The following ARL15 variants were observed in gnomAD, a reference collection of about 807,000 sequenced individuals.
The protein encoded by ARL15 is ADP-ribosylation factor-like protein 15.
A neutral mutation model predicts 25.2 loss-of-function variants in ARL15; 19 were observed. The observed-to-expected ratio is 0.75, with a 90% CI of 0.53 to 1.10. ARL15 has a LOEUF of 1.10. ARL15 is among the 50% of genes least tolerant of loss of function. ARL15 has a pLI of 0.00. For synonymous variants in ARL15, 94 were observed against 86.8 expected, an observed-to-expected ratio of 1.08 and a Z score of -0.46; for missense variants, 220 against 246.0, an observed-to-expected ratio of 0.89 and a Z score of 0.71.
chr5:54,081,839 C>A (rs1157706958), intron 4 of ARL15, among the ~76,000 whole-genome samples: 2 of 152,070 alleles, frequency 1.3e-5, no homozygotes, highest in Non-Finnish European at 2.9e-5. Context: ...TGCCTGTAAT[C>A]CCAGCACTTT....
At chr5:54,105,349 G>A (rs1386502405) in intron 4 of ARL15, among the ~76,000 whole-genome samples, 2 of 151,960 alleles carry the variant, frequency 1.3e-5, no homozygotes, top group African/African-American at 4.8e-5. Flanking sequence ...TTAACATACA[G>A]ATCTAAAGTG....
chr5:53,986,122 A>G (rs1275825520), intron 4 of ARL15, among the ~76,000 whole-genome samples: 2 of 152,138 alleles, frequency 1.3e-5, no homozygotes, highest in African/African-American at 2.4e-5. Context: ...CAGAAGTTCT[A>G]AATAAAAGAA....
At chr5:54,085,223 CT>C (rs1303457305) in intron 4 of ARL15, among the ~76,000 whole-genome samples, 2 of 152,182 alleles carry the variant, frequency 1.3e-5, no homozygotes, top group African/African-American at 4.8e-5. Flanking sequence ...TAGCAAACTA[CT>C]GTGAATCAAA....
intron 3 of ARL15, among the ~76,000 whole-genome samples, chr5:54,128,045 C>T (rs933321291): frequency 7.9e-5 from 12 of 152,250 alleles, no homozygotes; most frequent in Middle Eastern, 3.4e-3. Flanking sequence ...AACTTCTGTT[C>T]GTTATAAATT....
chr5:54,008,002 G>T (rs1034078807), intron 4 of ARL15, among the ~76,000 whole-genome samples: 3 of 152,148 alleles, frequency 2.0e-5, no homozygotes, highest in Non-Finnish European at 4.4e-5. Flanking sequence ...TGCACAGACC[G>T]GCTCCTGCTT....
rs185728374 is a variant in ARL15 at position 54,306,158 on chromosome 5, G to T, written c.48+4274C>A. ...CATGACTTTCAGGGCCATGCAGAAA[G>T]TAAGGGCTCCATAAATATTTGTTGA... On this transcript the variant is annotated intron_variant, in intron 1 of 4. Transcript: ENST00000504924. Among the ~76,000 whole-genome samples the T allele has an allele frequency of 1.4e-4, 21 of 152,258 alleles. No homozygotes were observed. In the East Asian group the frequency reaches 3.5e-3, roughly 25 times the overall value.
rs535748667 is a variant in ARL15, at chr5:54,084,881, G to A, written c.462+28321C>T. Among the ~76,000 whole-genome samples, 4 of 152,290 alleles carry A rather than the reference G, an allele frequency of 2.6e-5. No individual in the cohort carries two copies. The South Asian group carries it at 8.3e-4, about 32-fold the overall frequency. On this transcript the variant is annotated intron_variant, in intron 4 of 4. Transcript: ENST00000504924. ...AAACATCATCTTGGAACCTACTAAAGGGACAAACATGATATGAAAATGATT... is the reference window on the plus strand; with the variant it reads ...AAACATCATCTTGGAACCTACTAAAAGGACAAACATGATATGAAAATGATT...
chr5:54,182,748 T>C (rs369892462), intron 1 of ARL15, among the ~76,000 whole-genome samples: 6 of 152,258 alleles, frequency 3.9e-5, no homozygotes, highest in Admixed American at 6.5e-5. Flanking sequence ...GCAGTATGGC[T>C]ATTTTCATGA....
chr5:54,208,558 G>T (rs1478572525), intron 1 of ARL15, among the ~76,000 whole-genome samples: 3 of 152,130 alleles, frequency 2.0e-5, no homozygotes, highest in Non-Finnish European at 4.4e-5. Context: ...AAACAATGAT[G>T]CTGCTCTGGA....
chr5:54,036,387 T>A (rs1330732103), intron 4 of ARL15, among the ~76,000 whole-genome samples: 1 of 152,206 alleles, frequency 6.6e-6, no homozygotes, highest in South Asian at 2.1e-4. Flanking sequence ...AAATGCTTTT[T>A]ATTTAAAATC....
intron 4 of ARL15, among the ~76,000 whole-genome samples, chr5:54,029,327 CACCACT>C (rs1207901703): frequency 0.012 from 1,318 of 113,012 alleles, 20 homozygotes; most frequent in Middle Eastern, 0.026. Flanking sequence ...CCACCACCAC[CACCACT>C]ACCACCACCA....
At chr5:54,025,095 C>G (rs541018181) in intron 4 of ARL15, among the ~76,000 whole-genome samples, 2 of 152,146 alleles carry the variant, frequency 1.3e-5, no homozygotes, top group Admixed American at 1.3e-4. Flanking sequence ...AAATCCCAGG[C>G]AGATTTGATA....
chr5:54,026,267 A>T (rs574519138), intron 4 of ARL15, among the ~76,000 whole-genome samples: 12 of 152,174 alleles, frequency 7.9e-5, no homozygotes, highest in Non-Finnish European at 1.5e-4. Context: ...CTTTCAATTT[A>T]TTTTCTTTCT....
intron 1 of ARL15, among the ~76,000 whole-genome samples, chr5:54,258,852 C>G (rs779539571): frequency 6.6e-6 from 1 of 152,146 alleles, no homozygotes; most frequent in African/African-American, 2.4e-5. Flanking sequence ...GGTGGGGAAA[C>G]GGGGGCAGTG....
chr5:54,309,558 G>T (rs1328103902), intron 1 of ARL15, among the ~76,000 whole-genome samples: 1 of 152,224 alleles, frequency 6.6e-6, no homozygotes, highest in East Asian at 1.9e-4. Context: ...TAGCGGTTCT[G>T]CCCAACATGG....
intron 4 of ARL15, among the ~76,000 whole-genome samples, chr5:54,092,070 A>ACACACACACACACACACACCC (rs746618758): frequency 6.6e-6 from 1 of 151,460 alleles, no homozygotes; most frequent in Non-Finnish European, 1.5e-5. Flanking sequence ...ACACACACAC[A>ACACACACACACACACACACCC]CACCACCACC....
intron 4 of ARL15, among the ~76,000 whole-genome samples, chr5:54,062,155 T>C (rs1751088188): frequency 6.6e-6 from 1 of 152,226 alleles, no homozygotes; most frequent in African/African-American, 2.4e-5. Context: ...CCAATGCCTG[T>C]ACCCGCATTG....
At chr5:54,258,053 G>A (rs1757410247) in intron 1 of ARL15, among the ~76,000 whole-genome samples, 2 of 151,946 alleles carry the variant, frequency 1.3e-5, no homozygotes, top group Non-Finnish European at 2.9e-5. Context: ...TCCAGGCCAG[G>A]AGCAGTGGCT....
intron 1 of ARL15, among the ~76,000 whole-genome samples, chr5:54,298,213 T>C (rs1434234713): frequency 2.6e-5 from 4 of 152,152 alleles, no homozygotes; most frequent in African/African-American, 9.7e-5. Flanking sequence ...TCACCTTAGA[T>C]TAGGAAAAAC....
Sources: allele counts gnomAD v4.1 joint callset (sites outside exome capture counted in the v4.1 genomes callset), GRCh38; gene constraint gnomAD v4.1.1; transcripts MANE v1.5; gene names NCBI Gene and HGNC (gene_info 2026-07-23, HGNC 2026-07-21).